PFDN2: variants seen among roughly 807,000 people sequenced by gnomAD.
PFDN2 encodes prefoldin 2.
In PFDN2, 7 loss-of-function variants were observed where a neutral mutation model predicts 18.3. The ratio of observed to expected loss-of-function variants is 0.38; its 90% CI spans 0.22 to 0.72. The LOEUF (loss-of-function observed/expected upper bound fraction) is 0.72, where lower values mean the gene tolerates loss of function less well. Among genes scored for constraint, PFDN2 ranks in the 30% least tolerant of loss-of-function variants. The pLI is 0.47. For synonymous variants in PFDN2, 76 were observed against 75.0 expected, an observed-to-expected ratio of 1.01 and a Z score of -0.07; for missense variants, 181 against 199.1, an observed-to-expected ratio of 0.91 and a Z score of 0.55.
At chr1:161,101,348 C>T (rs1163091194) in intron 3 of PFDN2, among the ~76,000 whole-genome samples, 1 of 151,868 alleles carries the variant, frequency 6.6e-6, no homozygotes, top group East Asian at 1.9e-4. Context: ...CACAGGCGCC[C>T]ACCACAACGC....
chr1:161,111,183 C>T (rs1158415947), intron 1 of PFDN2, among the ~76,000 whole-genome samples: 2 of 152,012 alleles, frequency 1.3e-5, no homozygotes, highest in African/African-American at 4.8e-5. Flanking sequence ...GTTTCAAACT[C>T]GTGGCTTCAA....
intron 1 of PFDN2, among the ~76,000 whole-genome samples, chr1:161,117,340 A>G (rs1461357881): frequency 6.6e-6 from 1 of 152,246 alleles, no homozygotes; most frequent in Non-Finnish European, 1.5e-5. Flanking sequence ...ACGGTTCCCA[A>G]GCCACAAAGG....
rs149260095 is a variant in PFDN2, at chr1:161,102,159, A to G, written c.177T>C (p.Asp59=). 2.1e-4 allele frequency: 337 copies of G among 1,614,054 alleles called. No homozygotes were observed. The highest frequency in any genetic ancestry group is 2.7e-4 in the Non-Finnish European group (321 of 1,180,010). Reference sequence around the variant, plus strand: ...GAGTTTCATCTACCTCCTTCAGTGTATCGATCACTAGGCTGGGATAGGAGA... The same window carrying G: ...GAGTTTCATCTACCTCCTTCAGTGTGTCGATCACTAGGCTGGGATAGGAGA... ...MELNEHSLVI[D]TLKEVDETRK... Residue 59 remains aspartate (D), a synonymous_variant, in exon 3 of 4, where the codon GAT becomes GAC. Transcript: ENST00000368010.
rs528424633 is a variant in PFDN2 at position 161,101,676 on chromosome 1, C to T, written c.288+372G>A. On this transcript the variant is annotated intron_variant, in intron 3 of 3. Transcript: ENST00000368010. ...CTCCCACCCCAATTCAGCCAAGTCACAGAGCCCACAGCAGTCAGCAATTCC... is the reference window on the plus strand; with the variant it reads ...CTCCCACCCCAATTCAGCCAAGTCATAGAGCCCACAGCAGTCAGCAATTCC... Among the ~76,000 whole-genome samples, 140 of 152,342 alleles carry T rather than the reference C, an allele frequency of 9.2e-4. 6 individuals carry two copies. The South Asian group carries it at 0.029, about 31-fold the overall frequency.
intron 1 of PFDN2, among the ~76,000 whole-genome samples, chr1:161,109,304 T>C (rs1654749849): frequency 6.6e-6 from 1 of 152,234 alleles, no homozygotes; most frequent in African/African-American, 2.4e-5. Flanking sequence ...TAGATTCTTC[T>C]GGGAAGCAGA....
intron 1 of PFDN2, among the ~76,000 whole-genome samples, chr1:161,113,216 T>C (rs1213558204): frequency 2.6e-5 from 4 of 152,212 alleles, no homozygotes; most frequent in Non-Finnish European, 5.9e-5. Context: ...ATGGCCTTAT[T>C]CAACTACTCT....
intron 1 of PFDN2, 113 bp downstream of exon 1, chr1:161,117,839 G>C: frequency 1.0e-6 from 1 of 967,712 alleles, no homozygotes; most frequent in Non-Finnish European, 1.5e-6. Context: ...CCCTCTCTAG[G>C]TGCCACGCAC....
At chr1:161,111,865 A>C (rs1654817051) in intron 1 of PFDN2, among the ~76,000 whole-genome samples, 1 of 152,216 alleles carries the variant, frequency 6.6e-6, no homozygotes, top group Admixed American at 6.5e-5. Flanking sequence ...GTATTGTGAT[A>C]ATTTGATATA....
Position 161,102,119 on chromosome 1 carries a change from T to C in PFDN2, c.217A>G (p.Met73Val). Reference sequence around the variant, plus strand: ...CGCTCCACCAGCACTCCTCCAACCATGCGGTAGCACTTACGAGTTTCATCT... The same window carrying C: ...CGCTCCACCAGCACTCCTCCAACCACGCGGTAGCACTTACGAGTTTCATCT... ...EVDETRKCYR[M>V]VGGVLVERTV... The change falls in exon 3 of 4, where the codon ATG becomes GTG. Residue 73 changes from methionine (M) to valine (V), a missense_variant. Coordinates refer to ENST00000368010, the MANE Select transcript of PFDN2 (RefSeq NM_012394.4). 1 of 1,614,168 alleles carries C rather than the reference T, an allele frequency of 6.2e-7. No individual in the cohort carries two copies. The highest frequency in any genetic ancestry group is 1.3e-5 in the African/African-American group (1 of 75,050).
At chr1:161,110,878 C>T (rs375952761) in intron 1 of PFDN2, among the ~76,000 whole-genome samples, 1 of 123,516 alleles carries the variant, frequency 8.1e-6, no homozygotes, top group East Asian at 2.5e-4. Context: ...CTCGCTCTGT[C>T]GCCCAGGCTG....
At chr1:161,104,710 T>C (rs953587065) in intron 1 of PFDN2, among the ~76,000 whole-genome samples, 5 of 152,076 alleles carry the variant, frequency 3.3e-5, no homozygotes, top group Admixed American at 6.5e-5. Context: ...ATTACAGGCA[T>C]GAGCCAACAT....
chr1:161,110,131 AGGCAG>A (rs1297619533), intron 1 of PFDN2, among the ~76,000 whole-genome samples: 2 of 151,082 alleles, frequency 1.3e-5, no homozygotes, highest in Non-Finnish European at 1.5e-5. Flanking sequence ...AGGCTGAGGC[AGGCAG>A]ACCACTTGAG....
At chr1:161,116,824 T>C (rs1471538832) in intron 1 of PFDN2, among the ~76,000 whole-genome samples, 1 of 151,794 alleles carries the variant, frequency 6.6e-6, no homozygotes, top group Non-Finnish European at 1.5e-5. Context: ...ATCCCGCAAC[T>C]GTACTCCAGC....
At chr1:161,117,103 C>T (rs1287849616) in intron 1 of PFDN2, among the ~76,000 whole-genome samples, 3 of 152,014 alleles carry the variant, frequency 2.0e-5, no homozygotes, top group East Asian at 3.9e-4. Context: ...TGTGGCGGCG[C>T]GCGCCTGTAG....
At chr1:161,113,138 CT>C in intron 1 of PFDN2, among the ~76,000 whole-genome samples, 1 of 152,124 alleles carries the variant, frequency 6.6e-6, no homozygotes, top group African/African-American at 2.4e-5. Context: ...AACATATATC[CT>C]TCTGTGACTT....
intron 1 of PFDN2, among the ~76,000 whole-genome samples, chr1:161,117,007 T>C (rs1044393279): frequency 7.2e-5 from 11 of 152,122 alleles, no homozygotes; most frequent in Admixed American, 5.9e-4. Context: ...GGCCGAGGCG[T>C]GCGGATCATT....
intron 1 of PFDN2, among the ~76,000 whole-genome samples, chr1:161,117,323 G>A (rs937938288): frequency 1.3e-5 from 2 of 152,254 alleles, no homozygotes; most frequent in East Asian, 3.9e-4. Flanking sequence ...TTTCCACTTA[G>A]CAAAACACGG....
intron 1 of PFDN2, among the ~76,000 whole-genome samples, chr1:161,117,695 G>C (rs1483483783): frequency 6.6e-6 from 1 of 152,194 alleles, no homozygotes; most frequent in Non-Finnish European, 1.5e-5. Context: ...TCAGACCTGT[G>C]CATCTTCCCA....
At chr1:161,102,723 GC>G (rs1462229106) in intron 1 of PFDN2, among the ~76,000 whole-genome samples, 1 of 152,082 alleles carries the variant, frequency 6.6e-6, no homozygotes, top group African/African-American at 2.4e-5. Flanking sequence ...ACTTTGGGAG[GC>G]CAAGGCAGGC....
Sources: gnomAD v4.1 joint callset for allele counts (sites outside exome capture counted in the v4.1 genomes callset) on GRCh38, gnomAD v4.1.1 for gene constraint, MANE v1.5 for transcripts, NCBI Gene and HGNC (gene_info 2026-07-23, HGNC 2026-07-21) for gene names.